BBS5: variants seen among roughly 807,000 people sequenced by gnomAD.
BBS5 encodes the protein Bardet-Biedl syndrome 5.
In BBS5, 39 loss-of-function variants were observed where a neutral mutation model predicts 50.2. The observed-to-expected ratio is 0.78, with a 90% CI of 0.60 to 1.01. BBS5 has a LOEUF of 1.01. Among genes scored for constraint, BBS5 ranks in the 50% least tolerant of loss-of-function variants. The pLI is 0.00. For synonymous variants in BBS5, 134 were observed against 133.1 expected (o/e 1.01, Z -0.05); for missense variants, 356 against 401.5 (o/e 0.89, Z 0.97).
At chr2:169,493,243 G>A (rs555159790) in intron 6 of BBS5, among the ~76,000 whole-genome samples, 12 of 151,998 alleles carry the variant, frequency 7.9e-5, no homozygotes, top group Admixed American at 2.0e-4. Flanking sequence ...AAAAATTTGC[G>A]GTGCTATGCT....
At position 169,504,312 on chromosome 2, in the gene BBS5, G is replaced by A. The variant is rs1459518981; in HGVS notation, c.910G>A (p.Ala304Thr). 7 of 1,613,022 alleles carry A rather than the reference G, an allele frequency of 4.3e-6. No homozygotes were observed. The highest frequency in any genetic ancestry group is 5.9e-6 in the Non-Finnish European group (7 of 1,179,076). ...GHTDAFVAYF[A>T]DGNKQQDREP... is the part of the protein sequence containing the mutation. ...TTTCTTTGTCTTACAGGCTTATTTT[G>A]CTGATGGCAATAAGGTAAGGACATT... The change falls in exon 11 of 12, where the codon GCT (alanine) becomes ACT (threonine). Residue 304 changes from alanine to threonine, a missense_variant. Transcript: ENST00000295240.
intron 9 of BBS5, among the ~76,000 whole-genome samples, chr2:169,500,035 A>G (rs1683770201): frequency 6.6e-6 from 1 of 152,196 alleles, no homozygotes; most frequent in South Asian, 2.1e-4. Flanking sequence ...AGTAGGCTAC[A>G]TCAGCACGGC....
chr2:169,490,176 A>G (rs997439655), intron 5 of BBS5, among the ~76,000 whole-genome samples: 3 of 143,814 alleles, frequency 2.1e-5, no homozygotes, highest in African/African-American at 7.8e-5. Flanking sequence ...GGCCCAGCCA[A>G]TGAAATGTGC....
chr2:169,501,969 C>T (rs911266473), intron 9 of BBS5, among the ~76,000 whole-genome samples: 1 of 152,092 alleles, frequency 6.6e-6, no homozygotes, highest in Non-Finnish European at 1.5e-5. Flanking sequence ...ACTCAAATGC[C>T]ATCTCTTCAG....
At chr2:169,494,488 G>A (rs1054385760) in intron 7 of BBS5, among the ~76,000 whole-genome samples, 11 of 151,904 alleles carry the variant, frequency 7.2e-5, no homozygotes, top group Non-Finnish European at 1.5e-4. Context: ...AGGCAGAGGC[G>A]GGAGGATTGC....
intron 5 of BBS5, among the ~76,000 whole-genome samples, chr2:169,489,978 C>A (rs1010587586): frequency 6.8e-6 from 1 of 146,280 alleles, no homozygotes; most frequent in African/African-American, 2.5e-5. Flanking sequence ...AGTTCACCCA[C>A]CATTCTCCTG....
Position 169,488,068 on chromosome 2 carries a change from G to T in BBS5, c.340G>T (p.Val114Phe), listed in dbSNP as rs751363900. The T allele has an allele frequency of 6.2e-7, 1 of 1,613,470 alleles. No homozygotes were observed. Among genetic ancestry groups the T allele is most frequent in the Admixed American group, 1.7e-5 (1 of 60,014 alleles). The change falls in exon 5 of 12, where the codon GTT (valine) becomes TTT (phenylalanine). Residue 114 changes from valine (V) to phenylalanine (F), a missense_variant. Physicochemically the swap from Val to Phe is conservative, Grantham distance 50 (BLOSUM62 -1). Coordinates refer to ENST00000295240, the MANE Select transcript of BBS5 (RefSeq NM_152384.3). ...TTTTGAATTTATATTTACAAATTTG[G>T]TTCCTGGAAGCCCTAGACTTTTTAC... ...TRFEFIFTNL[V>F]PGSPRLFTSV...
intron 10 of BBS5, among the ~76,000 whole-genome samples, chr2:169,503,395 C>A (rs183310489): frequency 6.6e-6 from 1 of 152,238 alleles, no homozygotes; most frequent in African/African-American, 2.4e-5. Flanking sequence ...TGCAGTGGCT[C>A]ACACCTGTAA....
chr2:169,482,171 A>T, intron 1 of BBS5, 80 bp from the exon 2 acceptor site: 1 of 877,874 alleles, frequency 1.1e-6, no homozygotes. Context: ...TTTTATGTAC[A>T]TATGTCTCTT....
chr2:169,485,469 TG>T (rs1488861295), intron 2 of BBS5, among the ~76,000 whole-genome samples: 1 of 152,250 alleles, frequency 6.6e-6, no homozygotes, highest in Non-Finnish European at 1.5e-5. Context: ...CTGCCTACAT[TG>T]ATTTCTAAAC....
At chr2:169,483,056 G>A (rs1042244767) in intron 2 of BBS5, among the ~76,000 whole-genome samples, 3 of 152,220 alleles carry the variant, frequency 2.0e-5, no homozygotes, top group Non-Finnish European at 4.4e-5. Flanking sequence ...AGAAGTTTAG[G>A]AGGGAGGGAT....
At chr2:169,480,181 A>G (rs1683364469) in intron 1 of BBS5, among the ~76,000 whole-genome samples, 1 of 152,190 alleles carries the variant, frequency 6.6e-6, no homozygotes, top group South Asian at 2.1e-4. Context: ...CTAGTTATTC[A>G]TATCAGTCAC....
At chr2:169,479,717 G>A (rs1274801265) in intron 1 of BBS5, 105 bp downstream of exon 1, 45 of 1,274,976 alleles carry the variant, frequency 3.5e-5, no homozygotes, top group Non-Finnish European at 4.8e-5. Flanking sequence ...TCGCGGCCCT[G>A]GTGAGGGTGG....
chr2:169,490,232 G>A (rs1249453745), intron 5 of BBS5, among the ~76,000 whole-genome samples: 2 of 116,798 alleles, frequency 1.7e-5, no homozygotes, highest in Non-Finnish European at 3.3e-5. Context: ...TCACTTTGTC[G>A]CCCAGGCTGG....
chr2:169,498,674 G>A (rs886485281), intron 8 of BBS5, among the ~76,000 whole-genome samples: 19 of 151,860 alleles, frequency 1.3e-4, no homozygotes, highest in African/African-American at 3.9e-4. Context: ...GCGTGGTGGC[G>A]GGCACCTGTA....
At chr2:169,487,900 C>A in intron 4 of BBS5, 45 bp downstream of exon 4, 1 of 1,580,522 alleles carries the variant, frequency 6.3e-7, no homozygotes, top group Non-Finnish European at 8.7e-7. Context: ...AGTAAAGAAA[C>A]TAGATATTTG....
Position 169,499,610 on chromosome 2 carries a change from T to A in BBS5, c.806T>A (p.Met269Lys). The A allele has an allele frequency of 6.2e-7, 1 of 1,613,824 alleles. No individual in the cohort carries two copies. The highest frequency in any genetic ancestry group is 1.1e-5 in the South Asian group (1 of 91,062). ...CCCATATTTGGAGTTGATTATGAGA[T>A]GGAAGAAAAGGTAATTTGTTGAGTA... ...ASPIFGVDYE[M>K]EEKPQPLEAL... Residue 269 changes from methionine (M) to lysine (K), a missense_variant, in exon 9 of 12, where the codon ATG becomes AAG. Coordinates refer to ENST00000295240, the MANE Select transcript of BBS5 (RefSeq NM_152384.3).
chr2:169,487,050 T>C lies in BBS5; in HGVS notation c.143-19T>C. ...GGTTCTTATTTAAGTTAACCTATTT[T>C]TTGTCTGTGTGCTTTTAGGTAGACT... On this transcript the variant is annotated intron_variant, in intron 2 of 11. Coordinates refer to ENST00000295240, the MANE Select transcript of BBS5 (RefSeq NM_152384.3). The C allele has an allele frequency of 6.3e-7, 1 of 1,589,226 alleles. No homozygotes were observed.
At position 169,493,786 on chromosome 2, in the gene BBS5, C is replaced by T. The variant is rs1264901746; in HGVS notation, c.568C>T (p.His190Tyr). 9 of 1,612,840 alleles carry T rather than the reference C, an allele frequency of 5.6e-6. No homozygotes were observed. The African/African-American group carries it at 1.2e-4, about 22-fold the overall frequency. The change falls in exon 7 of 12, where the codon CAT (histidine) becomes TAT (tyrosine). Residue 190 changes from histidine (H) to tyrosine (Y), a missense_variant. His to Tyr is a moderately conservative substitution (Grantham distance 83). Transcript: ENST00000295240. ...FFITNVRIVW[H>Y]ANMNDSFNVS... ...TATTACCAATGTGAGAATTGTGTGGCATGCAAATATGAATGATAGTTTTAA... is the reference window on the plus strand; with the variant it reads ...TATTACCAATGTGAGAATTGTGTGGTATGCAAATATGAATGATAGTTTTAA...
Sources: gnomAD v4.1 joint callset for allele counts (sites outside exome capture counted in the v4.1 genomes callset) on GRCh38, gnomAD v4.1.1 for gene constraint, MANE v1.5 for transcripts, NCBI Gene and HGNC (gene_info 2026-07-23, HGNC 2026-07-21) for gene names.